The following PACRG variants were observed in gnomAD, a reference collection of about 807,000 sequenced individuals.
PACRG encodes parkin coregulated.
PACRG carries 29 observed loss-of-function variants against 29.7 expected under a neutral mutation model. The observed-to-expected ratio is 0.98, with a 90% CI of 0.73 to 1.33. The LOEUF is 1.33. Among genes scored for constraint, PACRG ranks in the 40% most tolerant of loss-of-function variants. The pLI is 0.00. For missense variants in PACRG, 279 were observed against 316.2 expected (o/e 0.88, Z 0.89); for synonymous variants, 116 against 118.7 (o/e 0.98, Z 0.15).
At chr6:162,727,553 C>G (rs1469847310), upstream of PACRG, 5 of 1,228,008 alleles carry the variant, frequency 4.1e-6, no homozygotes, top group African/African-American at 6.1e-5. Context: ...ACTTTGGCCC[C>G]GTCATTGACA....
intron 2 of PACRG, among the ~76,000 whole-genome samples, chr6:163,026,954 G>A (rs1254139614): frequency 6.6e-6 from 1 of 152,194 alleles, no homozygotes; most frequent in Non-Finnish European, 1.5e-5. Flanking sequence ...GGGGCAGCCA[G>A]GTTATTGTTC....
At chr6:162,732,206 G>C (rs6455848) in intron 1 of PACRG, among the ~76,000 whole-genome samples, 5 of 151,946 alleles carry the variant, frequency 3.3e-5, no homozygotes, top group Non-Finnish European at 7.4e-5. Context: ...CCAAGCCCAC[G>C]TACCTGTCTC....
chr6:163,012,239 G>C (rs1003926085), intron 2 of PACRG, among the ~76,000 whole-genome samples: 1 of 152,090 alleles, frequency 6.6e-6, no homozygotes, highest in African/African-American at 2.4e-5. Flanking sequence ...TTTTTCAATA[G>C]CCAAAACAGA....
chr6:162,985,259 A>T (rs1471730797), intron 2 of PACRG, among the ~76,000 whole-genome samples: 1 of 152,046 alleles, frequency 6.6e-6, no homozygotes, highest in African/African-American at 2.4e-5. Context: ...AAAAAAACGA[A>T]AACTACAGAC....
chr6:163,233,403 T>C lies in PACRG; in HGVS notation c.614-81424T>C, dbSNP rs570010055. Among the ~76,000 whole-genome samples, 3 of 152,184 alleles carry C rather than the reference T, an allele frequency of 2.0e-5. No individual in the cohort carries two copies. The East Asian group carries it at 5.8e-4, about 29-fold the overall frequency. ...TTTTACAGTTGACCTAGATGGTAAT[T>C]TGGAGAGAGAGGGAGAGAAATGACA... On this transcript the variant is annotated intron_variant, in intron 4 of 4. Transcript: ENST00000366888.
At chr6:162,753,636 C>T (rs1781682928) in intron 1 of PACRG, among the ~76,000 whole-genome samples, 1 of 151,470 alleles carries the variant, frequency 6.6e-6, no homozygotes, top group African/African-American at 2.4e-5. Flanking sequence ...ATGATTGGAT[C>T]ATGGGAGATA....
At chr6:163,264,546 G>A (rs971707361) in intron 4 of PACRG, among the ~76,000 whole-genome samples, 1 of 152,210 alleles carries the variant, frequency 6.6e-6, no homozygotes, top group African/African-American at 2.4e-5. Context: ...GCGGTCACAG[G>A]TGTGGTTGAG....
At chr6:162,937,636 A>G (rs912770596) in intron 2 of PACRG, among the ~76,000 whole-genome samples, 1 of 152,154 alleles carries the variant, frequency 6.6e-6, no homozygotes. Context: ...CATTGTAAGT[A>G]TGGTCGTATT....
intron 2 of PACRG, 28 bp downstream of exon 2, chr6:162,814,309 A>G: frequency 6.2e-7 from 1 of 1,609,742 alleles, no homozygotes; most frequent in Non-Finnish European, 8.5e-7. Context: ...TGTGCCGGCC[A>G]GCTGCACCCG....
chr6:162,877,457 G>A (rs996765990), intron 2 of PACRG, among the ~76,000 whole-genome samples: 2 of 152,176 alleles, frequency 1.3e-5, no homozygotes, highest in Non-Finnish European at 2.9e-5. Context: ...CTAGGGGAGG[G>A]ATAGCATTGG....
At chr6:163,100,669 A>C (rs1176055648) in intron 4 of PACRG, 1 of 673,510 alleles carries the variant, frequency 1.5e-6, no homozygotes, top group Non-Finnish European at 1.8e-6. Context: ...GCTTTCTCCA[A>C]ATAGGAAACT....
At position 163,040,516 on chromosome 6, in the gene PACRG, G is replaced by C. The variant is rs191223288; in HGVS notation, c.292-21634G>C. Among the ~76,000 whole-genome samples, 1,022 of 152,356 alleles carry C rather than the reference G, an allele frequency of 6.7e-3. 14 individuals carry two copies. Among genetic ancestry groups the C allele is most frequent in the African/African-American group, 0.023 (963 of 41,584 alleles). On this transcript the variant is annotated intron_variant, in intron 2 of 4. Coordinates refer to ENST00000366888, the MANE Select transcript of PACRG (RefSeq NM_001080379.2). ...AACTGACAGCTTGTGCCATGTGCCT[G>C]GAAAAGCCACAGCCATTCAAGGCCA...
At chr6:162,785,847 G>T (rs2128318929) in intron 1 of PACRG, among the ~76,000 whole-genome samples, 1 of 152,276 alleles carries the variant, frequency 6.6e-6, no homozygotes, top group East Asian at 1.9e-4. Flanking sequence ...GCAGCCCAGG[G>T]ATTGGGGACC....
At chr6:162,935,508 A>G (rs1393612126) in intron 2 of PACRG, among the ~76,000 whole-genome samples, 2 of 102,220 alleles carry the variant, frequency 2.0e-5, no homozygotes, top group African/African-American at 3.8e-5. Context: ...ATTTTTTTTT[A>G]TTTCCCTCAT....
At chr6:162,875,290 C>T (rs1260417551) in intron 2 of PACRG, among the ~76,000 whole-genome samples, 2 of 152,086 alleles carry the variant, frequency 1.3e-5, no homozygotes, top group Non-Finnish European at 2.9e-5. Flanking sequence ...CATTCACACA[C>T]ACACATGCAC....
chr6:162,973,360 G>A lies in PACRG; in HGVS notation c.292-88790G>A, dbSNP rs150760152. Among the ~76,000 whole-genome samples the A allele has an allele frequency of 6.0e-4, 91 of 152,312 alleles. 1 individual carries two copies. The highest frequency in any genetic ancestry group is 5.6e-3 in the Admixed American group (86 of 15,300). On this transcript the variant is annotated intron_variant, in intron 2 of 4. Coordinates refer to ENST00000366888, the MANE Select transcript of PACRG (RefSeq NM_001080379.2). ...TGTGAAAGTCTGTTGCAAGTGTAATGCGATCTTTCCATCTAATGCGAGGCC... is the reference window on the plus strand; with the variant it reads ...TGTGAAAGTCTGTTGCAAGTGTAATACGATCTTTCCATCTAATGCGAGGCC...
intron 4 of PACRG, among the ~76,000 whole-genome samples, chr6:163,281,157 G>A (rs1784213243): frequency 6.6e-6 from 1 of 152,114 alleles, no homozygotes; most frequent in South Asian, 2.1e-4. Flanking sequence ...TGGAGCGGTG[G>A]AGAGGTGGGG....
chr6:163,052,859 T>G (rs1409020287), intron 2 of PACRG, among the ~76,000 whole-genome samples: 1 of 152,156 alleles, frequency 6.6e-6, no homozygotes, highest in Admixed American at 6.5e-5. Flanking sequence ...CAAAGGTCAT[T>G]GTAAGATTTA....
At chr6:163,001,251 C>T (rs1047081152) in intron 2 of PACRG, among the ~76,000 whole-genome samples, 1 of 152,198 alleles carries the variant, frequency 6.6e-6, no homozygotes, top group African/African-American at 2.4e-5. Flanking sequence ...AAATGGGTCT[C>T]CAGGAGGAGA....
Sources: gnomAD v4.1 joint callset for allele counts (sites outside exome capture counted in the v4.1 genomes callset) on GRCh38, gnomAD v4.1.1 for gene constraint, MANE v1.5 for transcripts, NCBI Gene and HGNC (gene_info 2026-07-23, HGNC 2026-07-21) for gene names.